SCN9A: variants seen among roughly 807,000 people sequenced by gnomAD.
The protein encoded by SCN9A is sodium channel protein type 9 subunit alpha.
Under a neutral mutation model 187.0 loss-of-function variants are expected in SCN9A, and 131 were observed. The observed-to-expected ratio is 0.70, with a 90% CI of 0.61 to 0.81. The LOEUF (loss-of-function observed/expected upper bound fraction) is 0.81. Among genes scored for constraint, SCN9A ranks in the 30% least tolerant of loss-of-function variants. SCN9A has a pLI of 0.00. For synonymous variants in SCN9A, 809 were observed against 808.6 expected (o/e 1.00, Z -0.01); for missense variants, 2,252 against 2,396.6 (o/e 0.94, Z 1.26).
chr2:166,237,760 C>T (rs1399168864), intron 20 of SCN9A, among the ~76,000 whole-genome samples: 1 of 152,082 alleles, frequency 6.6e-6, no homozygotes, highest in Non-Finnish European at 1.5e-5. Context: ...TCATCTCCTA[C>T]TTCTAAATTT....
chr2:166,219,078 G>C (rs1454015326), intron 24 of SCN9A, among the ~76,000 whole-genome samples: 3 of 152,140 alleles, frequency 2.0e-5, no homozygotes, highest in African/African-American at 7.2e-5. Flanking sequence ...AGATGCTGGC[G>C]AGGGTGTGGA....
chr2:166,203,707 A>T (rs1314932286), intron 26 of SCN9A, among the ~76,000 whole-genome samples: 1 of 151,974 alleles, frequency 6.6e-6, no homozygotes, highest in Non-Finnish European at 1.5e-5. Context: ...TGGAAACTAA[A>T]TATCAACAAG....
At chr2:166,213,459 CAATAATAATAAT>C (rs75970260) in intron 24 of SCN9A, among the ~76,000 whole-genome samples, 11 of 140,948 alleles carry the variant, frequency 7.8e-5, no homozygotes, top group South Asian at 6.8e-4. Context: ...CAAATTGAAC[CAATAATAATAAT>C]AATAATAATA....
chr2:166,284,574 A>G lies in SCN9A; in HGVS notation c.1853T>C (p.Met618Thr). The G allele has an allele frequency of 6.2e-7, 1 of 1,614,052 alleles. No individual in the cohort carries two copies. Among genetic ancestry groups the G allele is most frequent in the Non-Finnish European group, 8.5e-7 (1 of 1,179,976 alleles). The change falls in exon 12 of 27, where the codon ATG (methionine) becomes ACG (threonine). Residue 618 changes from methionine to threonine, a missense_variant. Transcript: ENST00000642356. ...ACCGTTGCAGTCCACAGCACTGTGC[A>G]TTTTCCCGTTCACCGGCAGCATTGG... ...SPPMLPVNGK[M>T]HSAVDCNGVV... is the part of the protein sequence containing the mutation.
At chr2:166,225,326 C>G (rs1450233585) in intron 24 of SCN9A, among the ~76,000 whole-genome samples, 1 of 152,118 alleles carries the variant, frequency 6.6e-6, no homozygotes, top group East Asian at 1.9e-4. Flanking sequence ...ATAAACCATT[C>G]TATAGCAGCA....
At chr2:166,264,148 T>A (rs1402926390) in intron 17 of SCN9A, among the ~76,000 whole-genome samples, 1 of 152,010 alleles carries the variant, frequency 6.6e-6, no homozygotes, top group Non-Finnish European at 1.5e-5. Flanking sequence ...TGTGAGAACA[T>A]GATCTTTTTT....
At chr2:166,343,099 TA>T (rs1318912962) in intron 1 of SCN9A, among the ~76,000 whole-genome samples, 1 of 152,214 alleles carries the variant, frequency 6.6e-6, no homozygotes, top group Non-Finnish European at 1.5e-5. Flanking sequence ...TAAAAAGTCT[TA>T]TTCATATGAA....
chr2:166,249,756 T>C (rs1432414655), intron 18 of SCN9A, among the ~76,000 whole-genome samples: 1 of 152,146 alleles, frequency 6.6e-6, no homozygotes, highest in Non-Finnish European at 1.5e-5. Flanking sequence ...AGCATAGTAT[T>C]AATACTTTCT....
Position 166,196,476 on chromosome 2 carries a change from A to G in SCN9A, c.*2196T>C, listed in dbSNP as rs1693250710. The G allele has an allele frequency of 1.3e-5, 2 of 152,156 alleles. No homozygotes were observed. The allele number at this position is 152,156 out of a possible 1,614,324, so 9.4% of individuals were successfully genotyped here. ...GTTGCCCATATTTTTTATTTTACAT[A>G]AAAACAAGGCAATGTAAAAACATTA... On this transcript the variant is annotated 3_prime_UTR_variant, in exon 27 of 27. Transcript: ENST00000642356.
At chr2:166,316,632 T>G (rs950805471) in intron 1 of SCN9A, among the ~76,000 whole-genome samples, 7 of 152,238 alleles carry the variant, frequency 4.6e-5, no homozygotes, top group African/African-American at 1.7e-4. Context: ...AGGCGGAGCT[T>G]GCAGTGAGCC....
intron 1 of SCN9A, among the ~76,000 whole-genome samples, chr2:166,365,857 G>A (rs896219028): frequency 3.9e-5 from 6 of 151,984 alleles, no homozygotes; most frequent in African/African-American, 9.7e-5. Flanking sequence ...TCTTAAAATC[G>A]GCGTCACATC....
rs752467220 is a variant in SCN9A at position 166,272,880 on chromosome 2, A to T, written c.2875-5T>A. 1 of 1,365,190 alleles carries T rather than the reference A, an allele frequency of 7.3e-7. No homozygotes were observed. The highest frequency in any genetic ancestry group is 9.7e-7 in the Non-Finnish European group (1 of 1,026,316). 84.6% of individuals were successfully genotyped at this position (1,365,190 alleles called of 1,614,324 possible). Reference sequence around the variant, plus strand: ...GGCCAGAAATAGGTTTAGGACCTATATCAGGGTGGGGAGAGGGGGTAGAGA... The same window carrying T: ...GGCCAGAAATAGGTTTAGGACCTATTTCAGGGTGGGGAGAGGGGGTAGAGA... On this transcript the variant is annotated splice_region_variant and splice_polypyrimidine_tract_variant and intron_variant, in intron 16 of 26. Coordinates refer to ENST00000642356, the MANE Select transcript of SCN9A (RefSeq NM_001365536.1).
rs1398688171 is a variant in SCN9A, at chr2:166,311,329, CCTATATAT to C, written c.258+162_258+169del. Among the ~76,000 whole-genome samples the C allele has an allele frequency of 7.5e-3, 359 of 47,900 alleles. 40 individuals carry two copies. The highest frequency in any genetic ancestry group is 0.032 in the East Asian group (33 of 1,032). 31.4% of individuals were successfully genotyped at this position (47,900 alleles called of 152,430 possible). On this transcript the variant is annotated intron_variant, in intron 2 of 26. Coordinates refer to ENST00000642356, the MANE Select transcript of SCN9A (RefSeq NM_001365536.1). ...TTGAAAAAGTACAGATTCTGAATAT[CCTATATAT>C]ATATATATATATATATATATATATA...
chr2:166,277,760 GACA>G (rs1697302307), intron 15 of SCN9A: 1 of 219,732 alleles, frequency 4.6e-6, no homozygotes, highest in East Asian at 9.9e-5. Flanking sequence ...GTTAAGATCA[GACA>G]ACAATTGTTT....
chr2:166,300,809 A>G (rs1698520646), intron 7 of SCN9A: 1 of 151,060 alleles, frequency 6.6e-6, no homozygotes, highest in African/African-American at 2.5e-5. Context: ...GGATTGTGGT[A>G]TAAGATTCAT....
Position 166,198,665 on chromosome 2 carries a change from T to C in SCN9A, c.*7A>G. 1.3e-6 allele frequency: 2 copies of C among 1,565,232 alleles called. No homozygotes were observed. The highest frequency in any genetic ancestry group is 1.7e-6 in the Non-Finnish European group (2 of 1,152,546). On this transcript the variant is annotated 3_prime_UTR_variant, in exon 27 of 27. Coordinates refer to ENST00000642356, the MANE Select transcript of SCN9A (RefSeq NM_001365536.1). ...CAGGCTGTAAACAATATATCAAAAATGAAGCTCTATTTTTTGCTTTCCTTG... is the reference window on the plus strand; with the variant it reads ...CAGGCTGTAAACAATATATCAAAAACGAAGCTCTATTTTTTGCTTTCCTTG...
intron 21 of SCN9A, among the ~76,000 whole-genome samples, chr2:166,232,865 T>C (rs900056544): frequency 2.7e-5 from 4 of 147,618 alleles, no homozygotes; most frequent in African/African-American, 9.8e-5. Context: ...CTGTATATAT[T>C]AATATATAAT....
At chr2:166,265,349 G>A (rs1335441759) in intron 17 of SCN9A, among the ~76,000 whole-genome samples, 1 of 151,862 alleles carries the variant, frequency 6.6e-6, no homozygotes, top group Non-Finnish European at 1.5e-5. Context: ...ATGTCCTCCA[G>A]GTTCATTCAT....
rs180910588 is a variant in SCN9A, at chr2:166,253,156, C to A, written c.3352-1271G>T. The stretch of plus-strand genomic sequence containing the variant: ...TTCTTGATGGGTACCACATTAAATT[C>A]TCAATGCTATTATTATCACCTAGTA... On this transcript the variant is annotated intron_variant, in intron 17 of 26. Coordinates refer to ENST00000642356, the MANE Select transcript of SCN9A (RefSeq NM_001365536.1). Among the ~76,000 whole-genome samples, 325 of 151,984 alleles carry A rather than the reference C, an allele frequency of 2.1e-3. 2 individuals carry two copies. Among genetic ancestry groups the A allele is most frequent in the African/African-American group, 7.5e-3 (313 of 41,530 alleles).
Sources: allele counts gnomAD v4.1 joint callset (sites outside exome capture counted in the v4.1 genomes callset), GRCh38; gene constraint gnomAD v4.1.1; transcripts MANE v1.5; gene names NCBI Gene and HGNC (gene_info 2026-07-23, HGNC 2026-07-21).